Variants in CLASP1 observed in about 807,000 individuals in gnomAD.
CLASP1 encodes the protein CLIP-associating protein 1.
Under a neutral mutation model 192.3 loss-of-function variants are expected in CLASP1, and 38 were observed. The ratio of observed to expected loss-of-function variants is 0.20; its 90% CI spans 0.15 to 0.26. CLASP1 has a LOEUF of 0.26. Ranked by LOEUF, CLASP1 falls within the 10% of genes least tolerant of loss-of-function variation. The pLI is 1.00. For synonymous variants in CLASP1, 691 were observed against 712.8 expected (o/e 0.97, Z 0.49); for missense variants, 1,433 against 1,932.5 (o/e 0.74, Z 4.85).
intron 5 of CLASP1, among the ~76,000 whole-genome samples, chr2:121,527,495 A>G (rs2094602724): frequency 6.6e-6 from 1 of 152,230 alleles, no homozygotes; most frequent in Admixed American, 6.5e-5. Flanking sequence ...GTCAGGGTGC[A>G]GCTACACACA....
At chr2:121,365,217 C>T (rs939727776) in exon 36 of CLASP1, 3 of 1,613,826 alleles carry the variant, frequency 1.9e-6, no homozygotes, top group Non-Finnish European at 2.5e-6. Context: ...TCCGTTCCTC[C>T]ACTCGCTCAT....
chr2:121,398,622 C>T (rs1465170215), intron 28 of CLASP1, among the ~76,000 whole-genome samples: 1 of 152,168 alleles, frequency 6.6e-6, no homozygotes, highest in Non-Finnish European at 1.5e-5. Context: ...ATTGAACTTA[C>T]TTTGAGTGGC....
At chr2:121,486,782 C>G (rs2093004494) in intron 8 of CLASP1, among the ~76,000 whole-genome samples, 1 of 152,216 alleles carries the variant, frequency 6.6e-6, no homozygotes, top group Non-Finnish European at 1.5e-5. Flanking sequence ...TCTTCCATCT[C>G]TGCTTTAATG....
chr2:121,538,923 T>A, intron 2 of CLASP1, among the ~76,000 whole-genome samples: 1 of 152,186 alleles, frequency 6.6e-6, no homozygotes. Flanking sequence ...AATGTTCCTA[T>A]TTTTAATTTT....
At chr2:121,501,548 T>C (rs888782351) in intron 8 of CLASP1, among the ~76,000 whole-genome samples, 5 of 152,216 alleles carry the variant, frequency 3.3e-5, no homozygotes, top group African/African-American at 4.8e-5. Flanking sequence ...AAAATGATTT[T>C]TGATGGTAAT....
At chr2:121,471,983 G>A (rs778353529) in intron 8 of CLASP1, among the ~76,000 whole-genome samples, 2 of 152,302 alleles carry the variant, frequency 1.3e-5, no homozygotes, top group East Asian at 3.9e-4. Context: ...CAGTGACAAG[G>A]ACAGATCTCA....
chr2:121,636,028 C>T (rs1017443365), intron 1 of CLASP1, among the ~76,000 whole-genome samples: 7 of 152,002 alleles, frequency 4.6e-5, no homozygotes, highest in African/African-American at 1.7e-4. Context: ...ATTATGAGAC[C>T]TTGTTTCTAA....
chr2:121,367,611 T>C lies in CLASP1; in HGVS notation c.3863A>G (p.Asp1288Gly), dbSNP rs202106861. 8.1e-6 allele frequency: 13 copies of C among 1,613,930 alleles called. No individual in the cohort carries two copies. Among genetic ancestry groups the C allele is most frequent in the Non-Finnish European group, 1.1e-5 (13 of 1,179,912 alleles). Residue 1288 changes from aspartate (D) to glycine (G), a missense_variant, in exon 35 of 40, where the codon GAC (aspartate) becomes GGC (glycine). By Grantham distance (94) the Asp-to-Gly change is moderately conservative. Around this residue, in one of 8 missense-constraint regions of CLASP1, gnomAD observed 336 missense variants for 358.0 expected, o/e 0.94. Transcript: ENST00000263710. ...ACCGTCTCGAAGCTGCTCCATGTCGTCATCGAACACAGCCTCTTTCAGGGC... is the reference window on the plus strand; with the variant it reads ...ACCGTCTCGAAGCTGCTCCATGTCGCCATCGAACACAGCCTCTTTCAGGGC...
In CLASP1 at chr2:121,387,755, G is replaced by A. The variant is rs747547779; in HGVS notation, c.3267+8C>T. ...CACATAGGCACCAATCGTGACCAAA[G>A]CACTCACCACACTGGTGTTACTGGA... On this transcript the variant is annotated splice_region_variant and intron_variant, in intron 31 of 39. Coordinates refer to ENST00000263710, the Ensembl canonical transcript of CLASP1. 1.9e-6 allele frequency: 3 copies of A among 1,613,878 alleles called. No homozygotes were observed. The highest frequency in any genetic ancestry group is 4.5e-5 in the East Asian group (2 of 44,878).
chr2:121,448,103 T>C (rs1286909265), intron 18 of CLASP1, among the ~76,000 whole-genome samples, 173 bp downstream of exon 18: 2 of 152,244 alleles, frequency 1.3e-5, no homozygotes, highest in African/African-American at 4.8e-5. Context: ...CGAGTGGCCC[T>C]GACAAAGCGG....
chr2:121,530,917 A>G (rs567684220), intron 2 of CLASP1: 7 of 699,502 alleles, frequency 1.0e-5, no homozygotes, highest in African/African-American at 7.0e-5. Context: ...CTGTCCAATG[A>G]GCGCATAGTG....
Position 121,555,913 on chromosome 2 carries a change from G to A in CLASP1, c.196-25588C>T, listed in dbSNP as rs540772364. On this transcript the variant is annotated intron_variant, in intron 2 of 39. Transcript: ENST00000263710. ...TGGTCAGGCTGGAACTCCTGACCTCGTGATCCACCCACCTTGGTCTCCCAA... is the reference window on the plus strand; with the variant it reads ...TGGTCAGGCTGGAACTCCTGACCTCATGATCCACCCACCTTGGTCTCCCAA... 2.0e-3 allele frequency among the ~76,000 whole-genome samples: 306 copies of A among 149,468 alleles called. 1 individual carries two copies. The highest frequency in any genetic ancestry group is 7.2e-3 in the African/African-American group (292 of 40,280).
At chr2:121,647,762 GT>G (rs1277110979) in intron 1 of CLASP1, among the ~76,000 whole-genome samples, 1 of 152,208 alleles carries the variant, frequency 6.6e-6, no homozygotes, top group Non-Finnish European at 1.5e-5. Flanking sequence ...TGCCAATTCA[GT>G]TGTAACACAG....
intron 2 of CLASP1, chr2:121,530,667 C>G (rs1363198808): frequency 3.9e-6 from 2 of 510,172 alleles, no homozygotes; most frequent in Non-Finnish European, 7.0e-6. Flanking sequence ...AATTTTCGAG[C>G]GGCCGACGCG....
intron 1 of CLASP1, among the ~76,000 whole-genome samples, chr2:121,608,472 G>A (rs2105934354): frequency 6.6e-6 from 1 of 152,292 alleles, no homozygotes; most frequent in South Asian, 2.1e-4. Flanking sequence ...CCCTGGGACG[G>A]CCATGCTGTA....
chr2:121,435,169 A>G lies in CLASP1; in HGVS notation c.1913-4992T>C, dbSNP rs181108478. Among the ~76,000 whole-genome samples the G allele has an allele frequency of 1.1e-3, 165 of 152,370 alleles. 2 individuals are homozygous for G. Among genetic ancestry groups the G allele is most frequent in the African/African-American group, 3.4e-3 (142 of 41,586 alleles). ...GACCCTGTCTCCATTTAAAAATAAT[A>G]AAAAATAAATATTATATTGCTAGAG... On this transcript the variant is annotated intron_variant, in intron 19 of 39. Coordinates refer to ENST00000263710, the Ensembl canonical transcript of CLASP1.
intron 2 of CLASP1, among the ~76,000 whole-genome samples, chr2:121,556,851 G>C (rs1410557588): frequency 6.6e-6 from 1 of 152,096 alleles, no homozygotes; most frequent in Non-Finnish European, 1.5e-5. Flanking sequence ...CTGCTAAAAA[G>C]TTATACCAAA....
chr2:121,442,335 T>C (rs1293898143), intron 19 of CLASP1, among the ~76,000 whole-genome samples: 1 of 152,216 alleles, frequency 6.6e-6, no homozygotes, highest in East Asian at 1.9e-4. Context: ...TTTTTCGTTC[T>C]TTACAAAAAG....
chr2:121,467,237 C>CT, intron 9 of CLASP1, among the ~76,000 whole-genome samples: 1 of 152,176 alleles, frequency 6.6e-6, no homozygotes, highest in East Asian at 1.9e-4. Flanking sequence ...GATCCCACAT[C>CT]TTTGCTATTG....
Sources: allele counts gnomAD v4.1 joint callset (sites outside exome capture counted in the v4.1 genomes callset), GRCh38; gene constraint gnomAD v4.1.1; regional missense constraint gnomAD v4.1.1; transcripts MANE v1.5; gene names NCBI Gene and HGNC (gene_info 2026-07-23, HGNC 2026-07-21).